Variants in SUMF1 observed in about 807,000 individuals in gnomAD.
The protein encoded by SUMF1 is formylglycine-generating enzyme.
A neutral mutation model predicts 47.6 loss-of-function variants in SUMF1; 48 were observed. The ratio of observed to expected loss-of-function variants is 1.01; its 90% CI spans 0.80 to 1.28. The LOEUF is 1.28. Among genes scored for constraint, SUMF1 ranks in the 50% most tolerant of loss-of-function variants. SUMF1 has a pLI of 0.00. For missense variants in SUMF1, 571 were observed against 485.4 expected (o/e 1.18, Z -1.66); for synonymous variants, 230 against 192.1 (o/e 1.20, Z -1.63).
At chr3:4,417,391 A>C in intron 5 of SUMF1, 149 bp from the exon 6 acceptor site, 1 of 584,720 alleles carries the variant, frequency 1.7e-6, no homozygotes, top group Non-Finnish European at 3.0e-6. Flanking sequence ...AAAGCTTTTA[A>C]TCAGGATTTA....
In SUMF1 at chr3:4,303,431, C is replaced by G. The variant is rs1049616821; in HGVS notation, c.1014+72899G>C. The G allele has an allele frequency of 1.2e-5, 19 of 1,554,622 alleles. 1 individual carries two copies. In the African/African-American group the frequency reaches 2.0e-4, roughly 16 times the overall value. On this transcript the variant is annotated intron_variant and NMD_transcript_variant, in intron 8 of 12. Transcript: ENST00000448413. ...TGGGATGGCGGAGTTTAAGGAGAAG[C>G]CTGAGGCCCCGACTGAGCAGCTGGA...
intron 8 of SUMF1, among the ~76,000 whole-genome samples, chr3:4,173,869 G>A (rs946811282): frequency 6.6e-6 from 1 of 152,110 alleles, no homozygotes; most frequent in Admixed American, 6.5e-5. Flanking sequence ...TCACACACGA[G>A]GGCCTGTCGG....
chr3:4,151,700 C>A, intron 8 of SUMF1, among the ~76,000 whole-genome samples: 2 of 110,190 alleles, frequency 1.8e-5, no homozygotes, highest in Non-Finnish European at 1.9e-5. Context: ...AGCTGATGAG[C>A]TAAAAAAAAA....
chr3:4,189,674 T>G (rs1695274315), intron 8 of SUMF1, among the ~76,000 whole-genome samples: 1 of 150,622 alleles, frequency 6.6e-6, no homozygotes, highest in South Asian at 2.1e-4. Context: ...GATCCTAGAT[T>G]AAAGCCTCAA....
At chr3:4,096,907 T>C (rs559926526) in intron 8 of SUMF1, among the ~76,000 whole-genome samples, 7 of 152,210 alleles carry the variant, frequency 4.6e-5, no homozygotes, top group Admixed American at 4.6e-4. Flanking sequence ...TTCCCTTTTA[T>C]CTTTAAAGAG....
chr3:4,139,543 A>G (rs908492968), intron 8 of SUMF1, among the ~76,000 whole-genome samples: 1 of 149,202 alleles, frequency 6.7e-6, no homozygotes, highest in African/African-American at 2.4e-5. Flanking sequence ...GTGTGTATAT[A>G]TGTATAATAA....
intron 8 of SUMF1, among the ~76,000 whole-genome samples, chr3:4,298,297 G>A (rs778856618): frequency 4.6e-5 from 7 of 152,130 alleles, no homozygotes; most frequent in Non-Finnish European, 7.4e-5. Flanking sequence ...TCTAGACCCC[G>A]AAAAGATGAA....
intron 8 of SUMF1, chr3:4,316,969 A>G (rs1698686902): frequency 6.5e-7 from 1 of 1,549,356 alleles, no homozygotes; most frequent in Non-Finnish European, 8.7e-7. Context: ...GCCCGACCGC[A>G]TGTTGCACAA....
At chr3:4,386,894 T>G (rs993767951) in intron 7 of SUMF1, among the ~76,000 whole-genome samples, 1 of 151,856 alleles carries the variant, frequency 6.6e-6, no homozygotes, top group African/African-American at 2.4e-5. Flanking sequence ...CTTCTTATTA[T>G]GGTAGATTAC....
At chr3:4,096,908 C>T (rs1692918197) in intron 8 of SUMF1, among the ~76,000 whole-genome samples, 1 of 151,988 alleles carries the variant, frequency 6.6e-6, no homozygotes, top group African/African-American at 2.4e-5. Context: ...TCCCTTTTAT[C>T]TTTAAAGAGA....
intron 7 of SUMF1, among the ~76,000 whole-genome samples, chr3:4,401,909 C>T (rs1312634747): frequency 6.6e-6 from 1 of 152,146 alleles, no homozygotes; most frequent in African/African-American, 2.4e-5. Flanking sequence ...CTTTCTTGAG[C>T]ACACTGAAGT....
At chr3:4,346,810 G>A (rs1042456291) in intron 8 of SUMF1, among the ~76,000 whole-genome samples, 3 of 151,968 alleles carry the variant, frequency 2.0e-5, no homozygotes, top group East Asian at 1.9e-4. Context: ...AGAAGAGAGA[G>A]AAGAATCAAA....
At chr3:4,437,225 A>C (rs2125089436) in intron 3 of SUMF1, among the ~76,000 whole-genome samples, 1 of 152,344 alleles carries the variant, frequency 6.6e-6, no homozygotes, top group East Asian at 1.9e-4. Context: ...AAGAAAACAA[A>C]TTAGAATGAA....
chr3:4,118,874 T>C (rs553360656), intron 8 of SUMF1, among the ~76,000 whole-genome samples: 12 of 152,234 alleles, frequency 7.9e-5, no homozygotes, highest in Non-Finnish European at 1.8e-4. Context: ...ATTCTTTTAC[T>C]CTACACACTT....
chr3:4,298,440 C>T (rs899527430), intron 8 of SUMF1, among the ~76,000 whole-genome samples: 3 of 152,138 alleles, frequency 2.0e-5, no homozygotes, highest in East Asian at 1.9e-4. Flanking sequence ...AACCAAAGGG[C>T]CAGCATGCAC....
chr3:4,326,702 G>A (rs1698953889), intron 8 of SUMF1, among the ~76,000 whole-genome samples: 1 of 151,670 alleles, frequency 6.6e-6, no homozygotes, highest in Non-Finnish European at 1.5e-5. Context: ...TGTATTTTTA[G>A]TAGAGATGTG....
chr3:4,321,470 TAAAAAAAAAA>T (rs1206478992), intron 8 of SUMF1, among the ~76,000 whole-genome samples: 3 of 63,736 alleles, frequency 4.7e-5, no homozygotes, highest in East Asian at 4.3e-4. Flanking sequence ...AAGGAAATGC[TAAAAAAAAAA>T]AAAAAAAAAA....
intron 8 of SUMF1, among the ~76,000 whole-genome samples, chr3:4,369,140 C>G (rs759943556): frequency 3.3e-5 from 5 of 151,194 alleles, no homozygotes; most frequent in Non-Finnish European, 7.4e-5. Context: ...CACAGAAATT[C>G]TTTAGAGCAC....
At chr3:4,168,225 A>C (rs1023538534) in intron 8 of SUMF1, among the ~76,000 whole-genome samples, 3 of 152,172 alleles carry the variant, frequency 2.0e-5, no homozygotes, top group African/African-American at 7.2e-5. Context: ...TAAGGACTAC[A>C]CTTTGGAACT....
Sources: allele counts gnomAD v4.1 joint callset (sites outside exome capture counted in the v4.1 genomes callset), GRCh38; gene constraint gnomAD v4.1.1; transcripts MANE v1.5; gene names NCBI Gene and HGNC (gene_info 2026-07-23, HGNC 2026-07-21).